Variants in FREM1 observed in about 807,000 individuals in gnomAD.
FREM1 encodes the protein FRAS1-related extracellular matrix protein 1.
A neutral mutation model predicts 210.1 loss-of-function variants in FREM1; 220 were observed. The observed-to-expected ratio is 1.05, with a 90% confidence interval of 0.94 to 1.17. The LOEUF is 1.17. Among genes scored for constraint, FREM1 ranks in the 50% most tolerant of loss-of-function variants. FREM1 has a pLI of 0.00. For missense variants in FREM1, 3,454 were observed against 2,675.5 expected, an observed-to-expected ratio of 1.29 and a Z score of -6.42; for synonymous variants, 1,189 against 980.2, an observed-to-expected ratio of 1.21 and a Z score of -3.98.
intron 33 of FREM1, 65 bp downstream of exon 33, chr9:14,747,199 G>T: frequency 6.3e-7 from 1 of 1,578,872 alleles, no homozygotes; most frequent in South Asian, 1.1e-5. Context: ...TGTGAATTAA[G>T]TGTGTTTCTG....
intron 24 of FREM1, among the ~76,000 whole-genome samples, chr9:14,778,771 G>A (rs1849152032): frequency 2.6e-5 from 3 of 115,988 alleles, no homozygotes; most frequent in Admixed American, 1.9e-4. Context: ...AGTCAGGCGC[G>A]GTAGCTCACG....
At position 14,769,362 on chromosome 9, in the gene FREM1, C is replaced by T. The variant is rs141323976; in HGVS notation, c.5204+362G>A. The stretch of plus-strand genomic sequence containing the variant: ...TTTTAGAAGGCTATAGTTGCTAACA[C>T]GGTCCTAGAGTGACCTCTTGCTGCA... On this transcript the variant is annotated intron_variant, in intron 27 of 36. Coordinates refer to ENST00000380880, the MANE Select transcript of FREM1 (RefSeq NM_001379081.2). 2.2e-3 allele frequency among the ~76,000 whole-genome samples: 338 copies of T among 152,312 alleles called. 1 individual carries two copies. The highest frequency in any genetic ancestry group is 0.017 in the East Asian group (87 of 5,180).
intron 25 of FREM1, chr9:14,774,179 A>G (rs1409041697): frequency 1.9e-6 from 1 of 515,826 alleles, no homozygotes; most frequent in Non-Finnish European, 3.9e-6. Flanking sequence ...TGATCTCAAG[A>G]CTTCCCTCAT....
At position 14,769,804 on chromosome 9, in the gene FREM1, T is replaced by C; in HGVS notation, c.5124A>G (p.Ile1708Met). The C allele has an allele frequency of 1.2e-6, 2 of 1,610,092 alleles. No individual in the cohort carries two copies. Among genetic ancestry groups the C allele is most frequent in the South Asian group, 2.2e-5 (2 of 90,864 alleles). The change falls in exon 27 of 37, where the codon ATA (isoleucine) becomes ATG (methionine). Residue 1708 changes from isoleucine (I) to methionine (M), a missense_variant. Transcript: ENST00000380880. ...DLNSKTILYI[I>M]NPSLEVNSDT... ...CTGAATTTACTTCCAAAGATGGGTT[T>C]ATGATGTAAAGAATAGTCTTACTGT...
At chr9:14,884,771 A>G (rs1334849454) in intron 1 of FREM1, among the ~76,000 whole-genome samples, 1 of 152,156 alleles carries the variant, frequency 6.6e-6, no homozygotes, top group Non-Finnish European at 1.5e-5. Flanking sequence ...CTTAACGGTC[A>G]ATGGTAATGA....
At chr9:14,862,797 G>T (rs1442301033) in intron 3 of FREM1, among the ~76,000 whole-genome samples, 1 of 152,082 alleles carries the variant, frequency 6.6e-6, no homozygotes. Context: ...CATTCATGCT[G>T]TAGCCTTTAT....
intron 1 of FREM1, among the ~76,000 whole-genome samples, chr9:14,875,073 C>T (rs1290660756): frequency 3.3e-5 from 5 of 152,122 alleles, no homozygotes; most frequent in East Asian, 3.9e-4. Context: ...GTGGATAACC[C>T]GACCTTTCTC....
In FREM1 at chr9:14,807,957, G is replaced by A. The variant is rs1483257421; in HGVS notation, c.3071C>T (p.Pro1024Leu). 1 of 1,612,670 alleles carries A rather than the reference G, an allele frequency of 6.2e-7. No homozygotes were observed. Among genetic ancestry groups the A allele is most frequent in the Admixed American group, 1.7e-5 (1 of 59,956 alleles). ...ATTGTCACCTATTGCAATGGAAGGT[G>A]GCTGGTTGTCTACTGGGTATACCGT... is the stretch of plus-strand genomic sequence containing the variant. ...NITVYPVDNQ[P>L]PSIAIGPVFV... Residue 1024 changes from proline to leucine, a missense_variant, in exon 17 of 37, where the codon CCA becomes CTA. Pro to Leu is a moderately conservative substitution (Grantham distance 98, BLOSUM62 -3). Transcript: ENST00000380880.
chr9:14,844,372 C>T (rs573106325), intron 8 of FREM1, among the ~76,000 whole-genome samples: 15 of 152,202 alleles, frequency 9.9e-5, no homozygotes, highest in East Asian at 3.9e-4. Flanking sequence ...GCTACAGGCA[C>T]GCACCACCAT....
intron 1 of FREM1, among the ~76,000 whole-genome samples, chr9:14,886,731 A>G (rs1398926890): frequency 6.6e-6 from 1 of 151,812 alleles, no homozygotes; most frequent in Non-Finnish European, 1.5e-5. Flanking sequence ...CCCCACTCCT[A>G]CAAAAAAAAA....
intron 21 of FREM1, among the ~76,000 whole-genome samples, chr9:14,797,183 G>A (rs767101695): frequency 2.0e-5 from 3 of 152,232 alleles, no homozygotes; most frequent in Non-Finnish European, 2.9e-5. Context: ...GTGCAGTCAC[G>A]TTGGTGTAAG....
chr9:14,888,822 T>C (rs917012310), intron 1 of FREM1, among the ~76,000 whole-genome samples: 3 of 152,242 alleles, frequency 2.0e-5, no homozygotes, highest in Non-Finnish European at 4.4e-5. Context: ...TCAGTTCATT[T>C]ATCAATGTAT....
chr9:14,808,594 C>T (rs375022174), intron 16 of FREM1, among the ~76,000 whole-genome samples: 2 of 152,158 alleles, frequency 1.3e-5, no homozygotes, highest in Admixed American at 1.3e-4. Context: ...TTATGAGAAA[C>T]GAGGATGTTG....
intron 1 of FREM1, among the ~76,000 whole-genome samples, chr9:14,890,322 TGTTTTGC>T (rs1272448198): frequency 7.2e-5 from 11 of 152,248 alleles, no homozygotes; most frequent in African/African-American, 2.7e-4. Context: ...TACCCTGCCA[TGTTTTGC>T]AAACTGTGCT....
At chr9:14,751,832 ACTT>A (rs549340510) in intron 29 of FREM1, 5 of 152,034 alleles carry the variant, frequency 3.3e-5, no homozygotes, top group African/African-American at 1.2e-4. Context: ...GAAGCTATCC[ACTT>A]CTTCTACTTT....
intron 1 of FREM1, among the ~76,000 whole-genome samples, chr9:14,896,520 G>C (rs1837753589): frequency 6.8e-6 from 1 of 146,486 alleles, no homozygotes; most frequent in South Asian, 2.2e-4. Flanking sequence ...ACTCCAGCCT[G>C]GGCCACAGAG....
At chr9:14,904,125 A>C (rs972137656) in intron 1 of FREM1, among the ~76,000 whole-genome samples, 4 of 151,638 alleles carry the variant, frequency 2.6e-5, no homozygotes, top group Admixed American at 2.6e-4. Context: ...AAAAAAAAAA[A>C]AAAAAAAAAA....
At chr9:14,822,428 T>C (rs933602911) in intron 13 of FREM1, among the ~76,000 whole-genome samples, 2 of 152,156 alleles carry the variant, frequency 1.3e-5, no homozygotes, top group African/African-American at 4.8e-5. Flanking sequence ...AGTGACCTCT[T>C]TCCTTAAGGA....
chr9:14,781,231 G>C (rs1478660448), intron 24 of FREM1, among the ~76,000 whole-genome samples: 1 of 151,896 alleles, frequency 6.6e-6, no homozygotes, highest in African/African-American at 2.4e-5. Context: ...GTGTCATAAG[G>C]CTTAAGAAAA....
Sources: gnomAD v4.1 joint callset for allele counts (sites outside exome capture counted in the v4.1 genomes callset) on GRCh38, gnomAD v4.1.1 for gene constraint, MANE v1.5 for transcripts, NCBI Gene and HGNC (gene_info 2026-07-23, HGNC 2026-07-21) for gene names.